The following TPM1 variants were observed in gnomAD, a reference collection of about 807,000 sequenced individuals.
TPM1 encodes the protein tropomyosin alpha-1 chain.
TPM1 carries 24 observed loss-of-function variants against 42.9 expected under a neutral mutation model. That is an observed-to-expected ratio of 0.56 (90% CI 0.41 to 0.79). TPM1 has a LOEUF of 0.79. TPM1 is among the 30% of genes least tolerant of loss of function. TPM1 has a pLI of 0.00. For missense variants in TPM1, 158 were observed against 351.8 expected, an observed-to-expected ratio of 0.45 and a Z score of 4.41; for synonymous variants, 136 against 130.1, an observed-to-expected ratio of 1.05 and a Z score of -0.31.
At chr15:63,062,413 A>G in intron 7 of TPM1, 136 bp downstream of exon 7, 1 of 1,217,404 alleles carries the variant, frequency 8.2e-7, no homozygotes, top group Non-Finnish European at 1.2e-6. Context: ...GAGTTTATGT[A>G]CTGTGCTAAC....
At chr15:63,052,695 A>G (rs949652315) in intron 2 of TPM1, among the ~76,000 whole-genome samples, 1 of 152,172 alleles carries the variant, frequency 6.6e-6, no homozygotes, top group Non-Finnish European at 1.5e-5. Context: ...GGCAGAGGCA[A>G]CAGCAGGTCC....
chr15:63,043,003 C>A, intron 1 of TPM1, 60 bp downstream of exon 1: 1 of 1,465,498 alleles, frequency 6.8e-7, no homozygotes, highest in Non-Finnish European at 9.3e-7. Context: ...GCCTGGCACC[C>A]CCGGCTGGAT....
At chr15:63,068,193 T>TG (rs1193916865), downstream of TPM1, among the ~76,000 whole-genome samples, 2 of 151,944 alleles carry the variant, frequency 1.3e-5, no homozygotes, top group Non-Finnish European at 2.9e-5. Flanking sequence ...TGGGAAGCAG[T>TG]GGGGGTGTGG....
chr15:63,056,851 T>C, intron 2 of TPM1, 134 bp from the exon 3 acceptor site: 2 of 1,167,440 alleles, frequency 1.7e-6, no homozygotes, highest in Admixed American at 3.4e-5. Context: ...GATGAGGGCT[T>C]GTAATGCACT....
At chr15:63,051,141 G>A (rs1216387854) in intron 2 of TPM1, among the ~76,000 whole-genome samples, 1 of 152,180 alleles carries the variant, frequency 6.6e-6, no homozygotes, top group Non-Finnish European at 1.5e-5. Flanking sequence ...GAAAAAGGCA[G>A]GATGAATCTT....
intron 3 of TPM1, among the ~76,000 whole-genome samples, chr15:63,057,366 A>G (rs143818368): frequency 6.6e-6 from 1 of 152,356 alleles, no homozygotes; most frequent in African/African-American, 2.4e-5. Flanking sequence ...CTGCCCTTAC[A>G]GAACTCACCA....
chr15:63,069,527 C>A (rs1393772976), downstream of TPM1, among the ~76,000 whole-genome samples: 1 of 152,202 alleles, frequency 6.6e-6, no homozygotes, highest in East Asian at 1.9e-4. Context: ...ATTCCCAAAT[C>A]TATTGCCAGA....
intron 2 of TPM1, chr15:63,048,958 G>C (rs1596323293): frequency 1.8e-6 from 1 of 543,790 alleles, no homozygotes; most frequent in Non-Finnish European, 3.3e-6. Flanking sequence ...TGTTGAGAAG[G>C]TTCTGGAAGG....
rs1460449233 is a variant in TPM1 at position 63,061,687 on chromosome 15, T to G, written c.564-26T>G. 4 of 1,611,804 alleles carry G rather than the reference T, an allele frequency of 2.5e-6. No homozygotes were observed. In the Middle Eastern group the frequency reaches 5.0e-4, roughly 200 times the overall value. ...CCTTCCTTTGGCTTGTCTCCCACCC[T>G]TTCTGCCTCTGATCGAAAACATTAG... is the stretch of plus-strand genomic sequence containing the variant. On this transcript the variant is annotated intron_variant, in intron 5 of 9. Transcript: ENST00000403994.
chr15:63,043,388 C>T (rs1197606220), intron 1 of TPM1: 24 of 596,940 alleles, frequency 4.0e-5, no homozygotes, highest in Admixed American at 6.4e-5. Flanking sequence ...GAGTTGTTAC[C>T]TAAGAACAAA....
intron 9 of TPM1, chr15:63,064,737 G>A (rs928548297): frequency 1.1e-5 from 10 of 883,894 alleles, no homozygotes; most frequent in Middle Eastern, 1.1e-3. Flanking sequence ...AGGCCGAGGC[G>A]GGCGGATCAC....
intron 1 of TPM1, 49 bp downstream of exon 1, chr15:63,042,992 A>G (rs1364518237): frequency 6.6e-7 from 1 of 1,504,996 alleles, no homozygotes; most frequent in Non-Finnish European, 9.1e-7. Context: ...CCGGGACTCG[A>G]GCCTGGCACC....
chr15:63,054,610 G>C (rs1056033610), intron 2 of TPM1: 2 of 152,222 alleles, frequency 1.3e-5, no homozygotes. Context: ...TTCAGGCCCA[G>C]ATCTAAAGCA....
chr15:63,061,822 C>T (rs755635816), intron 6 of TPM1, 34 bp downstream of exon 6: 1 of 1,589,838 alleles, frequency 6.3e-7, no homozygotes, highest in Non-Finnish European at 8.6e-7. Flanking sequence ...GGAAAGGCAT[C>T]TTTTAAGAGC....
At chr15:63,063,534 C>T (rs1036610009) in intron 8 of TPM1, among the ~76,000 whole-genome samples, 2 of 152,186 alleles carry the variant, frequency 1.3e-5, no homozygotes, top group African/African-American at 4.8e-5. Flanking sequence ...TAAGAAATCG[C>T]TATCCCAGTG....
rs1244768333 is a variant in TPM1 at position 63,062,199 on chromosome 15, CTCTT to C, written c.640-12_640-9del. 1 of 1,613,004 alleles carries C rather than the reference CTCTT, an allele frequency of 6.2e-7. No individual in the cohort carries two copies. The stretch of plus-strand genomic sequence containing the variant: ...GAGCTGCAGCCTGACATCTGGAATG[CTCTT>C]TCTAATTACAGTACTCGCAGAAGGA... On this transcript the variant is annotated splice_polypyrimidine_tract_variant and intron_variant, in intron 6 of 9. Transcript: ENST00000403994.
intron 2 of TPM1, among the ~76,000 whole-genome samples, chr15:63,052,781 T>A (rs1018268588): frequency 1.3e-5 from 2 of 150,554 alleles, no homozygotes; most frequent in African/African-American, 2.4e-5. Flanking sequence ...AAAAAAAAAA[T>A]ACCAGAAATA....
chr15:63,067,924 C>T (rs2036372551), downstream of TPM1, among the ~76,000 whole-genome samples: 1 of 152,194 alleles, frequency 6.6e-6, no homozygotes, highest in African/African-American at 2.4e-5. Flanking sequence ...TGCACACCAG[C>T]TCCACAGCAG....
Position 63,043,132 on chromosome 15 carries a change from C to T in TPM1, c.114+189C>T. ...AGAGCCAGGCTTAGTCTAACTTAGT[C>T]TGGTCTGAGGACGCTTATTTCCCTT... On this transcript the variant is annotated intron_variant, in intron 1 of 9. Transcript: ENST00000403994. 5.0e-6 allele frequency: 3 copies of T among 596,588 alleles called. No homozygotes were observed. The South Asian group carries it at 6.1e-5, about 12-fold the overall frequency. 37.0% of individuals were successfully genotyped at this position (596,588 alleles called of 1,614,324 possible).
Sources: allele counts gnomAD v4.1 joint callset (sites outside exome capture counted in the v4.1 genomes callset), GRCh38; gene constraint gnomAD v4.1.1; transcripts MANE v1.5; gene names NCBI Gene and HGNC (gene_info 2026-07-23, HGNC 2026-07-21).